The following SRGAP1 variants were observed in gnomAD, a reference collection of about 807,000 sequenced individuals.
SRGAP1 encodes the protein SLIT-ROBO Rho GTPase-activating protein 1.
Under a neutral mutation model 121.9 loss-of-function variants are expected in SRGAP1, and 43 were observed. The ratio of observed to expected loss-of-function variants is 0.35; its 90% CI spans 0.28 to 0.46. The LOEUF is 0.46. Ranked by LOEUF, SRGAP1 falls within the 20% of genes least tolerant of loss-of-function variation. SRGAP1 has a pLI of 1.00. For synonymous variants in SRGAP1, 447 were observed against 485.4 expected, an observed-to-expected ratio of 0.92 and a Z score of 1.04; for missense variants, 1,102 against 1,350.9, an observed-to-expected ratio of 0.82 and a Z score of 2.89.
In SRGAP1 at chr12:63,861,306, T is replaced by A. The variant is rs5027173; in HGVS notation, c.67+16423T>A. Among the ~76,000 whole-genome samples, 728 of 123,742 alleles carry A rather than the reference T, an allele frequency of 5.9e-3. 6 individuals are homozygous for A. Among genetic ancestry groups the A allele is most frequent in the African/African-American group, 0.02 (587 of 28,978 alleles). 81.2% of individuals were successfully genotyped at this position (123,742 alleles called of 152,430 possible). On this transcript the variant is annotated intron_variant, in intron 1 of 21. Transcript: ENST00000355086. ...GGTAGGCATATATATATATATATTT[T>A]TTTTTTTTTTTGAGGCAAAGTCTTG...
intron 17 of SRGAP1, among the ~76,000 whole-genome samples, chr12:64,113,792 A>G (rs2036471950): frequency 6.6e-6 from 1 of 152,214 alleles, no homozygotes; most frequent in South Asian, 2.1e-4. Context: ...GATTAGTAGT[A>G]AATCAAAGTT....
Position 64,147,574 on chromosome 12 carries a change from C to G in SRGAP1, c.*4902C>G, listed in dbSNP as rs1221106963. 2 of 398,886 alleles carry G rather than the reference C, an allele frequency of 5.0e-6. No homozygotes were observed. Among genetic ancestry groups the G allele is most frequent in the Non-Finnish European group, 4.4e-6 (1 of 226,202 alleles). 24.7% of individuals were successfully genotyped at this position (398,886 alleles called of 1,614,324 possible). ...CTCCCATCCCACCGCATCAGTCCCC[C>G]GCTCATGTGCTGCTGACAGCATCGC... On this transcript the variant is annotated 3_prime_UTR_variant, in exon 22 of 22. Coordinates refer to ENST00000355086, the MANE Select transcript of SRGAP1 (RefSeq NM_020762.4).
chr12:63,844,776 C>T lies in SRGAP1; in HGVS notation c.-41C>T. 1.2e-6 allele frequency: 2 copies of T among 1,607,778 alleles called. No homozygotes were observed. Among genetic ancestry groups the T allele is most frequent in the Non-Finnish European group, 1.7e-6 (2 of 1,174,196 alleles). ...AGGAGAACGGGTTGTGACCACTGAA[C>T]AAAACTTGCCCATTGAAAGCAAACC... On this transcript the variant is annotated 5_prime_UTR_variant, in exon 1 of 22. Transcript: ENST00000355086. This position sits in a 1 kb window ranked among gnomAD's most constrained non-coding sequence, Gnocchi z 4.3.
rs765923833 is a variant in SRGAP1, at chr12:64,062,892, A to G, written c.802-25A>G. ...TGATCAATTTTGCATTCATTTTTGT[A>G]TGTGGTGTTCTTTTACTTTTTAAGT... On this transcript the variant is annotated intron_variant, in intron 6 of 21. Coordinates refer to ENST00000355086, the MANE Select transcript of SRGAP1 (RefSeq NM_020762.4). 1.9e-6 allele frequency: 3 copies of G among 1,568,720 alleles called. No homozygotes were observed. The Admixed American group carries it at 5.3e-5, about 28-fold the overall frequency.
At chr12:63,866,329 C>T (rs1433053346) in intron 1 of SRGAP1, among the ~76,000 whole-genome samples, 5 of 152,336 alleles carry the variant, frequency 3.3e-5, no homozygotes, top group African/African-American at 1.2e-4. Flanking sequence ...CATAAGCAGT[C>T]CCTGGGCCAA....
chr12:63,865,490 A>AT (rs1899597206), intron 1 of SRGAP1, among the ~76,000 whole-genome samples: 1 of 152,172 alleles, frequency 6.6e-6, no homozygotes, highest in South Asian at 2.1e-4. Context: ...GCCAAAAAAA[A>AT]AATCTGTGCT....
intron 3 of SRGAP1, among the ~76,000 whole-genome samples, chr12:64,008,890 G>A (rs544838768): frequency 6.6e-6 from 1 of 152,202 alleles, no homozygotes; most frequent in African/African-American, 2.4e-5. Context: ...GTAAGCTTAT[G>A]GGTTTCCTAC....
rs2036751896 is a variant in SRGAP1, at chr12:64,129,636, A to C, written c.2880+1436A>C. Among the ~76,000 whole-genome samples, 3 of 152,182 alleles carry C rather than the reference A, an allele frequency of 2.0e-5. No homozygotes were observed. The South Asian group carries it at 6.2e-4, about 32-fold the overall frequency. On this transcript the variant is annotated intron_variant, in intron 21 of 21. Coordinates refer to ENST00000355086, the MANE Select transcript of SRGAP1 (RefSeq NM_020762.4). ...TACATAATCTTCAAATAAAAACAAT[A>C]ATGTCATAATTACGCCTAACATGAT...
chr12:64,082,001 CTTTTT>C, intron 10 of SRGAP1: 1 of 66,122 alleles, frequency 1.5e-5, no homozygotes, highest in Non-Finnish European at 2.5e-5. Context: ...CATGTAAGGT[CTTTTT>C]TTTTTTTTTT....
At chr12:64,034,729 G>T (rs1426364211) in intron 4 of SRGAP1, among the ~76,000 whole-genome samples, 2 of 152,128 alleles carry the variant, frequency 1.3e-5, no homozygotes, top group African/African-American at 4.8e-5. Flanking sequence ...GGAAATTGAG[G>T]CACAGAAAGG....
intron 1 of SRGAP1, among the ~76,000 whole-genome samples, chr12:63,866,502 A>T (rs1383874558): frequency 2.0e-5 from 3 of 152,260 alleles, no homozygotes; most frequent in South Asian, 2.1e-4. Flanking sequence ...TAAAGTGAGA[A>T]ATATGCATTA....
chr12:63,911,823 C>A (rs2030516024), intron 1 of SRGAP1, among the ~76,000 whole-genome samples: 1 of 152,178 alleles, frequency 6.6e-6, no homozygotes, highest in African/African-American at 2.4e-5. Context: ...CTTTCAATAA[C>A]CCAAAACTAC....
intron 4 of SRGAP1, chr12:64,038,734 A>G (rs567436676): frequency 6.6e-6 from 1 of 152,138 alleles, no homozygotes; most frequent in Non-Finnish European, 1.5e-5. Flanking sequence ...CTACTTGACT[A>G]TTTTTTCAGC....
Position 64,043,430 on chromosome 12 carries a change from G to T in SRGAP1, c.673-17G>T, listed in dbSNP as rs148014541. On this transcript the variant is annotated splice_polypyrimidine_tract_variant and intron_variant, in intron 5 of 21. Coordinates refer to ENST00000355086, the MANE Select transcript of SRGAP1 (RefSeq NM_020762.4). ...ACTTTGCATTCTTTCCCAATGCCTG[G>T]ATCTTCTTCATTCCAGAGACAAGCA... 99 of 1,601,726 alleles carry T rather than the reference G, an allele frequency of 6.2e-5. No homozygotes were observed. The East Asian group carries it at 2.2e-3, about 35-fold the overall frequency.
chr12:63,898,800 A>T (rs1369850236), intron 1 of SRGAP1, among the ~76,000 whole-genome samples: 1 of 152,216 alleles, frequency 6.6e-6, no homozygotes, highest in East Asian at 1.9e-4. Flanking sequence ...GACAGAAAAC[A>T]TTTAAGTTTG....
chr12:64,111,765 A>G lies in SRGAP1; in HGVS notation c.1923A>G (p.Leu641=), dbSNP rs2036433488. ...CCTTTCTTGTTTCCTTTTGTAGTCT[A>G]TCACAGTACAGCGATGAGAATATGA... ...MRYLFAFLNH[L]SQYSDENMMD... Residue 641 remains leucine, a synonymous_variant, in exon 17 of 22, where the codon CTA becomes CTG. Coordinates refer to ENST00000355086, the MANE Select transcript of SRGAP1 (RefSeq NM_020762.4). The G allele has an allele frequency of 1.4e-5, 22 of 1,598,560 alleles. No homozygotes were observed. The highest frequency in any genetic ancestry group is 1.9e-5 in the Non-Finnish European group (22 of 1,169,102).
rs573435007 is a variant in SRGAP1, at chr12:64,141,993, GA to G, written c.2881-295del. Among the ~76,000 whole-genome samples, 42 of 152,060 alleles carry G rather than the reference GA, an allele frequency of 2.8e-4. 1 individual carries two copies. The highest frequency in any genetic ancestry group is 6.5e-4 in the African/African-American group (27 of 41,500). On this transcript the variant is annotated intron_variant, in intron 21 of 21. Transcript: ENST00000355086. ...AACAGAGTGAGACCCTGCCTCAAAA[GA>G]AAAAAATTTTTTTTTAAGTCAGCAT...
At chr12:64,081,193 G>T (rs999762053) in intron 10 of SRGAP1, 6 of 152,202 alleles carry the variant, frequency 3.9e-5, no homozygotes, top group African/African-American at 1.4e-4. Context: ...CCTGCCAGAA[G>T]TTAGAAAAAG....
intron 1 of SRGAP1, among the ~76,000 whole-genome samples, chr12:63,893,531 A>G (rs138438744): frequency 1.3e-5 from 2 of 152,196 alleles, no homozygotes; most frequent in East Asian, 1.9e-4. Context: ...GAAAAGGCTT[A>G]TTGAGTGCCT....
Sources: allele counts gnomAD v4.1 joint callset (sites outside exome capture counted in the v4.1 genomes callset), GRCh38; gene constraint gnomAD v4.1.1; non-coding constraint Gnocchi (gnomAD v3.1); transcripts MANE v1.5; gene names NCBI Gene and HGNC (gene_info 2026-07-23, HGNC 2026-07-21).